The following CTNNA2 variants were observed in gnomAD, a reference collection of about 807,000 sequenced individuals.
The protein encoded by CTNNA2 is catenin alpha-2.
Under a neutral mutation model 101.0 loss-of-function variants are expected in CTNNA2, and 42 were observed. The observed-to-expected ratio is 0.42, with a 90% confidence interval of 0.32 to 0.54. The LOEUF (loss-of-function observed/expected upper bound fraction) is 0.54. Ranked by LOEUF, CTNNA2 falls within the 20% of genes least tolerant of loss-of-function variation. CTNNA2 has a pLI of 0.14. For missense variants in CTNNA2, 871 were observed against 1,223.1 expected (o/e 0.71, Z 4.29); for synonymous variants, 450 against 456.4 (o/e 0.99, Z 0.18).
chr2:79,930,070 C>G (rs1294590411), intron 7 of CTNNA2, among the ~76,000 whole-genome samples: 2 of 151,968 alleles, frequency 1.3e-5, no homozygotes, highest in Non-Finnish European at 2.9e-5. Flanking sequence ...AACCCCATCT[C>G]TACTAAAAAT....
At chr2:79,848,886 G>T (rs1680452119) in intron 3 of CTNNA2, among the ~76,000 whole-genome samples, 1 of 152,080 alleles carries the variant, frequency 6.6e-6, no homozygotes. Flanking sequence ...TGATTTGCTG[G>T]TGTCACATTG....
At chr2:79,340,828 A>C (rs551575554) in intron 3 of CTNNA2, among the ~76,000 whole-genome samples, 2,572 of 99,410 alleles carry the variant, frequency 0.026, 34 homozygotes, top group Non-Finnish European at 0.034. Flanking sequence ...AGCGAGACTC[A>C]GTCTCAAAAA....
chr2:79,317,663 A>G (rs567620347), intron 3 of CTNNA2, among the ~76,000 whole-genome samples: 1 of 152,080 alleles, frequency 6.6e-6, no homozygotes, highest in African/African-American at 2.4e-5. Context: ...AACAATGAAT[A>G]TCCCTTATTT....
At chr2:80,628,913 C>G (rs1671978530) in intron 18 of CTNNA2, among the ~76,000 whole-genome samples, 1 of 152,142 alleles carries the variant, frequency 6.6e-6, no homozygotes, top group South Asian at 2.1e-4. Context: ...TTGAGTGGAA[C>G]AAGAACTGAA....
intron 9 of CTNNA2, among the ~76,000 whole-genome samples, chr2:80,475,094 A>C (rs1014691252): frequency 7.2e-5 from 11 of 152,196 alleles, no homozygotes; most frequent in African/African-American, 2.4e-4. Flanking sequence ...GATGCTGTAC[A>C]GTCATCAGCA....
At chr2:79,215,816 G>A (rs767331038) in intron 2 of CTNNA2, among the ~76,000 whole-genome samples, 54 of 152,234 alleles carry the variant, frequency 3.5e-4, no homozygotes, top group Non-Finnish European at 7.2e-4. Flanking sequence ...GGTGTGAGGA[G>A]GGGAGGTGAT....
intron 1 of CTNNA2, among the ~76,000 whole-genome samples, chr2:79,515,285 C>T (rs994713408): frequency 6.6e-6 from 1 of 152,144 alleles, no homozygotes; most frequent in Non-Finnish European, 1.5e-5. Context: ...TGTTCCTTTC[C>T]CTAGAATACC....
At chr2:79,956,605 G>A (rs576715946) in intron 7 of CTNNA2, among the ~76,000 whole-genome samples, 8 of 152,238 alleles carry the variant, frequency 5.3e-5, no homozygotes, top group African/African-American at 1.9e-4. Context: ...TTAGCATTAA[G>A]CTTTAGCGAT....
intron 18 of CTNNA2, among the ~76,000 whole-genome samples, chr2:80,641,634 T>C (rs182879102): frequency 6.6e-6 from 1 of 152,270 alleles, no homozygotes; most frequent in African/African-American, 2.4e-5. Context: ...ATTTATTTTA[T>C]TTCTATCTTA....
At chr2:79,881,648 C>A (rs1237414510) in intron 6 of CTNNA2, among the ~76,000 whole-genome samples, 1 of 151,294 alleles carries the variant, frequency 6.6e-6, no homozygotes, top group Non-Finnish European at 1.5e-5. Flanking sequence ...TTTTTGCTTT[C>A]CATTTGCTTG....
intron 7 of CTNNA2, among the ~76,000 whole-genome samples, chr2:80,346,475 C>T (rs1672746224): frequency 6.6e-6 from 1 of 152,180 alleles, no homozygotes; most frequent in South Asian, 2.1e-4. Flanking sequence ...AGGGACCTGC[C>T]TTCATGATCC....
chr2:79,972,070 C>T (rs1690525016), intron 7 of CTNNA2, among the ~76,000 whole-genome samples: 1 of 152,182 alleles, frequency 6.6e-6, no homozygotes, highest in Admixed American at 6.5e-5. Flanking sequence ...TCTTTGGTTG[C>T]AGCAGATCAC....
intron 3 of CTNNA2, among the ~76,000 whole-genome samples, chr2:79,803,263 C>A (rs1017849044): frequency 6.6e-6 from 1 of 152,184 alleles, no homozygotes; most frequent in Non-Finnish European, 1.5e-5. Context: ...GACCCTAACC[C>A]AGCGGCGCTA....
intron 6 of CTNNA2, among the ~76,000 whole-genome samples, chr2:79,889,645 C>T (rs866661370): frequency 9.2e-5 from 14 of 152,152 alleles, no homozygotes; most frequent in Admixed American, 2.6e-4. Flanking sequence ...GTGGGATGAA[C>T]ATTTATATGT....
At chr2:79,259,838 C>A (rs945761701) in intron 2 of CTNNA2, among the ~76,000 whole-genome samples, 3 of 152,268 alleles carry the variant, frequency 2.0e-5, no homozygotes, top group African/African-American at 7.2e-5. Context: ...GCACACTTAC[C>A]AAGAGATGGT....
intron 7 of CTNNA2, among the ~76,000 whole-genome samples, chr2:79,985,468 C>A (rs1691693029): frequency 6.6e-6 from 1 of 152,122 alleles, no homozygotes; most frequent in African/African-American, 2.4e-5. Context: ...GAGTGTTTTG[C>A]ATGCTTTCCT....
chr2:79,458,502 A>G (rs576691304), intron 4 of CTNNA2, among the ~76,000 whole-genome samples: 1 of 152,140 alleles, frequency 6.6e-6, no homozygotes, highest in African/African-American at 2.4e-5. Flanking sequence ...TGGAAGCTAT[A>G]TAACAAAATT....
intron 12 of CTNNA2, among the ~76,000 whole-genome samples, chr2:80,562,932 A>T (rs998649517): frequency 8.5e-5 from 13 of 152,076 alleles, no homozygotes; most frequent in Non-Finnish European, 1.8e-4. Context: ...GAAGGTGGAG[A>T]TAGGGTACGG....
intron 7 of CTNNA2, among the ~76,000 whole-genome samples, chr2:80,055,200 T>C (rs1032815157): frequency 2.0e-5 from 3 of 152,002 alleles, no homozygotes; most frequent in Admixed American, 1.3e-4. Flanking sequence ...CTCACTTCTT[T>C]TCATTTTTTT....
Sources: allele counts gnomAD v4.1 joint callset (sites outside exome capture counted in the v4.1 genomes callset), GRCh38; gene constraint gnomAD v4.1.1; transcripts MANE v1.5; gene names NCBI Gene and HGNC (gene_info 2026-07-23, HGNC 2026-07-21).